Variants in GPR149 observed in about 807,000 individuals in gnomAD.
GPR149 encodes G protein-coupled receptor 149, also known as probable G protein-coupled receptor 149.
In GPR149, 50 loss-of-function variants were observed where a neutral mutation model predicts 50.2. The observed-to-expected ratio is 1.00, with a 90% confidence interval of 0.79 to 1.26. The LOEUF (loss-of-function observed/expected upper bound fraction) is 1.26. GPR149 is among the 50% of genes most tolerant of loss of function. The pLI is 0.00. For missense variants in GPR149, 983 were observed against 895.4 expected, an observed-to-expected ratio of 1.10 and a Z score of -1.25; for synonymous variants, 405 against 358.2, an observed-to-expected ratio of 1.13 and a Z score of -1.48.
At chr3:154,383,146 C>G (rs1448739346) in intron 3 of GPR149, among the ~76,000 whole-genome samples, 3 of 152,086 alleles carry the variant, frequency 2.0e-5, no homozygotes, top group African/African-American at 7.2e-5. Flanking sequence ...TTATTTATAT[C>G]CTGCTAAAAC....
chr3:154,353,092 C>T, intron 3 of GPR149: 1 of 1,440,332 alleles, frequency 6.9e-7, no homozygotes. Flanking sequence ...AAACACTGGG[C>T]ATTCTGTTTT....
At chr3:154,421,576 A>G (rs1194523112) in intron 2 of GPR149, 89 bp from the exon 3 acceptor site, 6 of 611,502 alleles carry the variant, frequency 9.8e-6, no homozygotes, top group Non-Finnish European at 1.6e-5. Flanking sequence ...TAGAAAGCGC[A>G]TTCAACTTGA....
In GPR149 at chr3:154,428,626, C is replaced by A. The variant is rs763704159; in HGVS notation, c.981+9G>T. The A allele has an allele frequency of 6.2e-7, 1 of 1,607,312 alleles. No homozygotes were observed. Among genetic ancestry groups the A allele is most frequent in the South Asian group, 1.1e-5 (1 of 90,364 alleles). Reference sequence around the variant, plus strand: ...CACACTCGCGCTTTGTGAGCAACTGCACTTTTACCATCATGGGCAGCCAAA... The same window carrying A: ...CACACTCGCGCTTTGTGAGCAACTGAACTTTTACCATCATGGGCAGCCAAA... On this transcript the variant is annotated intron_variant, in intron 1 of 3. Coordinates refer to ENST00000389740, the MANE Select transcript of GPR149 (RefSeq NM_001038705.3).
chr3:154,421,223 T>C lies in GPR149; in HGVS notation c.1439A>G (p.Glu480Gly), dbSNP rs776143881. 6.2e-7 allele frequency: 1 copy of C among 1,613,608 alleles called. No individual in the cohort carries two copies. Among genetic ancestry groups the C allele is most frequent in the Non-Finnish European group, 8.5e-7 (1 of 1,179,634 alleles). ...TTTGTTGTTGGAATCCTGTTTAGCTTCTGTAATATCAGTATTTGTGCATTT... is the reference window on the plus strand; with the variant it reads ...TTTGTTGTTGGAATCCTGTTTAGCTCCTGTAATATCAGTATTTGTGCATTT... Reference protein sequence around the residue: ...INKCTNTDITEAKQDSNNKKD... With the variant: ...INKCTNTDITGAKQDSNNKKD... Residue 480 changes from glutamate to glycine, a missense_variant, in exon 3 of 4, where the codon GAA becomes GGA. By Grantham distance (98) the Glu-to-Gly change is moderately conservative. Transcript: ENST00000389740.
chr3:154,380,540 A>T (rs1388235788), intron 3 of GPR149, among the ~76,000 whole-genome samples: 1 of 152,178 alleles, frequency 6.6e-6, no homozygotes, highest in African/African-American at 2.4e-5. Context: ...TAAATTATTT[A>T]TGTGGATCTT....
chr3:154,338,060 T>C lies in GPR149; in HGVS notation c.1835A>G (p.Asp612Gly), dbSNP rs1403916571. The change falls in exon 4 of 4, where the codon GAC becomes GGC. Residue 612 changes from aspartate to glycine, a missense_variant. Transcript: ENST00000389740. ...NSEDSSSTFV[D>G]TSVKIHLEVL... ...CTCCAAGTGTATTTTCACACTGGTGTCCACAAACGTGGATGAAGAATCTTC... is the reference window on the plus strand; with the variant it reads ...CTCCAAGTGTATTTTCACACTGGTGCCCACAAACGTGGATGAAGAATCTTC... 1 of 1,614,202 alleles carries C rather than the reference T, an allele frequency of 6.2e-7. No homozygotes were observed. Among genetic ancestry groups the C allele is most frequent in the Admixed American group, 1.7e-5 (1 of 60,030 alleles).
intron 3 of GPR149, among the ~76,000 whole-genome samples, chr3:154,387,264 C>T (rs534162946): frequency 2.8e-4 from 43 of 152,240 alleles, no homozygotes; most frequent in African/African-American, 9.9e-4. Flanking sequence ...GGCAAAATTA[C>T]CCGTGCCTGT....
In GPR149 at chr3:154,384,308, C is replaced by G. The variant is rs530336119; in HGVS notation, c.1623+36731G>C. The stretch of plus-strand genomic sequence containing the variant: ...TTACATATAGCAATTAGGAACACCT[C>G]AAGCATAAAAAGAATTATTCAAGAC... On this transcript the variant is annotated intron_variant, in intron 3 of 3. Transcript: ENST00000389740. Among the ~76,000 whole-genome samples the G allele has an allele frequency of 3.9e-5, 6 of 152,304 alleles. No individual in the cohort carries two copies. The South Asian group carries it at 1.2e-3, about 32-fold the overall frequency.
At position 154,365,669 on chromosome 3, in the gene GPR149, A is replaced by G. The variant is rs78549482; in HGVS notation, c.1624-27398T>C. ...AGAGATTTCTTCCACCAAATGTCTTAGTTCATGGCCCTTAAATTTTGCCTT... is the reference window on the plus strand; with the variant it reads ...AGAGATTTCTTCCACCAAATGTCTTGGTTCATGGCCCTTAAATTTTGCCTT... On this transcript the variant is annotated intron_variant, in intron 3 of 3. Transcript: ENST00000389740. 7.2e-3 allele frequency among the ~76,000 whole-genome samples: 1,096 copies of G among 152,308 alleles called. 12 individuals carry two copies. Among genetic ancestry groups the G allele is most frequent in the African/African-American group, 0.025 (1,059 of 41,570 alleles).
intron 3 of GPR149, among the ~76,000 whole-genome samples, chr3:154,411,629 A>C (rs1184605870): frequency 2.0e-5 from 3 of 152,112 alleles, no homozygotes; most frequent in Non-Finnish European, 2.9e-5. Context: ...GAATTATACA[A>C]CCCTTCTAGA....
chr3:154,414,291 C>A, intron 3 of GPR149, among the ~76,000 whole-genome samples: 1 of 151,598 alleles, frequency 6.6e-6, no homozygotes, highest in Non-Finnish European at 1.5e-5. Context: ...ACCACCTGTT[C>A]CCTAAAAACC....
At chr3:154,376,376 A>T (rs1434194085) in intron 3 of GPR149, among the ~76,000 whole-genome samples, 1 of 152,214 alleles carries the variant, frequency 6.6e-6, no homozygotes, top group African/African-American at 2.4e-5. Flanking sequence ...CTAAAAAGAC[A>T]TCTGTAGTAG....
intron 3 of GPR149, among the ~76,000 whole-genome samples, chr3:154,358,033 C>T (rs1053694407): frequency 1.3e-5 from 2 of 151,728 alleles, no homozygotes; most frequent in African/African-American, 2.4e-5. Context: ...AGCAAACTAT[C>T]GCAAGGACAA....
At position 154,428,883 on chromosome 3, in the gene GPR149, C is replaced by T. The variant is rs1310651430; in HGVS notation, c.733G>A (p.Ala245Thr). 2 of 1,613,994 alleles carry T rather than the reference C, an allele frequency of 1.2e-6. No homozygotes were observed. The highest frequency in any genetic ancestry group is 2.2e-5 in the East Asian group (1 of 44,866). The change falls in exon 1 of 4, where the codon GCG becomes ACG. Residue 245 changes from alanine (A) to threonine (T), a missense_variant. Physicochemically the swap from Ala to Thr is moderately conservative, Grantham distance 58. Coordinates refer to ENST00000389740, the MANE Select transcript of GPR149 (RefSeq NM_001038705.3). Reference protein sequence around the residue: ...GASIPGTPPTAGRVVSLSPED... With the variant: ...GASIPGTPPTTGRVVSLSPED... ...GGGGACAGGGAAACCACTCTCCCCGCAGTAGGAGGGGTCCCAGGAATTGAA... is the reference window on the plus strand; with the variant it reads ...GGGGACAGGGAAACCACTCTCCCCGTAGTAGGAGGGGTCCCAGGAATTGAA...
At chr3:154,393,561 T>C (rs1715217708) in intron 3 of GPR149, among the ~76,000 whole-genome samples, 1 of 151,894 alleles carries the variant, frequency 6.6e-6, no homozygotes, top group South Asian at 2.1e-4. Flanking sequence ...TTCAGCATAG[T>C]AGAGAAATCC....
chr3:154,377,986 T>C (rs1395964299), intron 3 of GPR149, among the ~76,000 whole-genome samples: 1 of 152,134 alleles, frequency 6.6e-6, no homozygotes, highest in African/African-American at 2.4e-5. Context: ...TTCTCTTACT[T>C]TGCATACTGT....
In GPR149 at chr3:154,337,035, G is replaced by A. The variant is rs1466597548; in HGVS notation, c.*664C>T. The A allele has an allele frequency of 3.3e-5, 5 of 151,878 alleles. No homozygotes were observed. The highest frequency in any genetic ancestry group is 1.2e-4 in the African/African-American group (5 of 41,346). The allele number at this position is 151,878 out of a possible 1,614,324, so 9.4% of individuals were successfully genotyped here. A position where few individuals can be genotyped will look rare whatever the true frequency, so the allele number is the denominator to read the frequency against. ...TATATTTGTTTTATGGGACAGTCTT[G>A]ACATACTGAAAAGATGAAAGGAAAA... On this transcript the variant is annotated 3_prime_UTR_variant, in exon 4 of 4. Coordinates refer to ENST00000389740, the MANE Select transcript of GPR149 (RefSeq NM_001038705.3).
chr3:154,344,004 A>G (rs1340985283), intron 3 of GPR149, among the ~76,000 whole-genome samples: 2 of 152,178 alleles, frequency 1.3e-5, no homozygotes, highest in Non-Finnish European at 2.9e-5. Context: ...AAAAGAAAGA[A>G]AAAGAAAAAA....
At chr3:154,393,599 A>G (rs1715218268) in intron 3 of GPR149, among the ~76,000 whole-genome samples, 1 of 152,032 alleles carries the variant, frequency 6.6e-6, no homozygotes, top group African/African-American at 2.4e-5. Flanking sequence ...CAGGAAAAAA[A>G]GGCATGTAGG....
Sources: allele counts gnomAD v4.1 joint callset (sites outside exome capture counted in the v4.1 genomes callset), GRCh38; gene constraint gnomAD v4.1.1; transcripts MANE v1.5; gene names NCBI Gene and HGNC (gene_info 2026-07-23, HGNC 2026-07-21).